Variants in TUSC3 observed in about 807,000 individuals in gnomAD.
The protein encoded by TUSC3 is tumor suppressor candidate 3.
A neutral mutation model predicts 44.8 loss-of-function variants in TUSC3; 45 were observed. The ratio of observed to expected loss-of-function variants is 1.00; its 90% CI spans 0.79 to 1.29. The LOEUF (loss-of-function observed/expected upper bound fraction) is 1.29. TUSC3 is among the 50% of genes most tolerant of loss of function. The pLI is 0.00. For missense variants in TUSC3, 519 were observed against 437.9 expected, an observed-to-expected ratio of 1.19 and a Z score of -1.65; for synonymous variants, 212 against 152.9, an observed-to-expected ratio of 1.39 and a Z score of -2.85.
chr8:15,582,119 T>G (rs1039217308), intron 1 of TUSC3, among the ~76,000 whole-genome samples: 1 of 128,058 alleles, frequency 7.8e-6, no homozygotes, highest in African/African-American at 2.6e-5. Flanking sequence ...GGGAACTCCC[T>G]GACCCCTTGC....
At chr8:15,811,504 C>T in the TUSC3 span, among the ~76,000 whole-genome samples, 488 of 152,298 alleles carry the variant, frequency 3.2e-3, 5 homozygotes, top group African/African-American at 0.011. Context: ...GGGCTTCAGC[C>T]AGCTGTCAAG....
At chr8:15,501,367 C>T (rs746822269) in intron 2 of TUSC3, among the ~76,000 whole-genome samples, 27 of 152,160 alleles carry the variant, frequency 1.8e-4, no homozygotes, top group Non-Finnish European at 3.8e-4. Flanking sequence ...TTGATGCACA[C>T]ATGGTACTTT....
chr8:15,525,930 G>A (rs2129130173), intron 2 of TUSC3, among the ~76,000 whole-genome samples: 1 of 152,290 alleles, frequency 6.6e-6, no homozygotes, highest in Middle Eastern at 3.4e-3. Context: ...AAACTGGGAA[G>A]CAGAACTGGT....
intron 1 of TUSC3, among the ~76,000 whole-genome samples, chr8:15,542,277 A>T (rs1563280533): frequency 6.6e-6 from 1 of 152,142 alleles, no homozygotes; most frequent in African/African-American, 2.4e-5. Flanking sequence ...TGTGGAGACC[A>T]TGGTTTTATT....
chr8:15,801,589 T>C, the TUSC3 span, among the ~76,000 whole-genome samples: 1 of 152,104 alleles, frequency 6.6e-6, no homozygotes, highest in Non-Finnish European at 1.5e-5. Flanking sequence ...TCAGTGTCTG[T>C]GGATGGCTGG....
chr8:15,530,475 C>T (rs958844125), intron 2 of TUSC3, among the ~76,000 whole-genome samples: 1 of 152,082 alleles, frequency 6.6e-6, no homozygotes, highest in South Asian at 2.1e-4. Flanking sequence ...CTTCATGGTA[C>T]CATTATTATC....
At chr8:15,748,824 A>G (rs750661866) in intron 9 of TUSC3, 2 of 464,992 alleles carry the variant, frequency 4.3e-6, no homozygotes, top group South Asian at 3.1e-5. Flanking sequence ...TTCATTGTCT[A>G]ATAAACTTTG....
At chr8:15,614,333 AGTGTATG>A in intron 1 of TUSC3, among the ~76,000 whole-genome samples, 1 of 152,184 alleles carries the variant, frequency 6.6e-6, no homozygotes. Context: ...CACTCATTTA[AGTGTATG>A]ATTAAATGAC....
chr8:15,438,340 C>A (rs1341919442), intron 1 of TUSC3, among the ~76,000 whole-genome samples: 2 of 152,158 alleles, frequency 1.3e-5, no homozygotes, highest in African/African-American at 4.8e-5. Context: ...AGGTGGTCCG[C>A]CTGCCTCGGC....
chr8:15,577,767 T>G (rs1803172170), intron 1 of TUSC3, among the ~76,000 whole-genome samples: 1 of 143,504 alleles, frequency 7.0e-6, no homozygotes, highest in Non-Finnish European at 1.5e-5. Context: ...AGCTTTGTTC[T>G]TTTGGCTTAG....
chr8:15,781,995 G>A, the TUSC3 span, among the ~76,000 whole-genome samples: 2 of 152,172 alleles, frequency 1.3e-5, no homozygotes, highest in African/African-American at 4.8e-5. Flanking sequence ...TTAGCTGGAT[G>A]TGGTGGCAGG....
intron 6 of TUSC3, among the ~76,000 whole-genome samples, chr8:15,715,146 A>G (rs890031992): frequency 1.3e-5 from 2 of 152,042 alleles, no homozygotes; most frequent in African/African-American, 2.4e-5. Flanking sequence ...GTCCACCCTA[A>G]TCCAAGACCA....
rs538361393 is a variant in TUSC3 at position 15,570,099 on chromosome 8, C to G, written c.138+29531C>G. Among the ~76,000 whole-genome samples, 51 of 152,172 alleles carry G rather than the reference C, an allele frequency of 3.4e-4. 1 individual carries two copies. In the Middle Eastern group the frequency reaches 0.01, roughly 30 times the overall value. ...ATAAAAGATTCCCACATTATTACTA[C>G]TCTTGGTTATAGCTTGTCCATCGCA... On this transcript the variant is annotated intron_variant, in intron 1 of 10. Transcript: ENST00000503731.
chr8:15,723,416 C>T lies in TUSC3; in HGVS notation c.799-7250C>T, dbSNP rs114350988. Among the ~76,000 whole-genome samples, 427 of 152,170 alleles carry T rather than the reference C, an allele frequency of 2.8e-3. 2 individuals carry two copies. Among genetic ancestry groups the T allele is most frequent in the African/African-American group, 0.01 (417 of 41,522 alleles). On this transcript the variant is annotated intron_variant, in intron 6 of 10. Transcript: ENST00000503731. ...TGTTGTAATCATTTTTTAGTTGAAG[C>T]CAAATATTTAATGAAGTGCTTAGGA...
At chr8:15,598,581 A>C (rs1804159117) in intron 1 of TUSC3, among the ~76,000 whole-genome samples, 1 of 21,860 alleles carries the variant, frequency 4.6e-5, no homozygotes, top group Admixed American at 3.4e-4. Context: ...TAATGCCCTA[A>C]AACTCGTCAT....
intron 1 of TUSC3, among the ~76,000 whole-genome samples, chr8:15,460,201 T>C (rs1375739428): frequency 6.6e-6 from 1 of 152,154 alleles, no homozygotes; most frequent in Non-Finnish European, 1.5e-5. Context: ...CAACATCTAC[T>C]GCTTTTTGAT....
chr8:15,650,609 G>A lies in TUSC3; in HGVS notation c.309-88G>A, dbSNP rs1213116641. Reference sequence around the variant, plus strand: ...ACAGTCTGTACAAAAACTGGCCAGTGCTTGTCCTAGGGTTGTCTGTTTTAA... The same window carrying A: ...ACAGTCTGTACAAAAACTGGCCAGTACTTGTCCTAGGGTTGTCTGTTTTAA... On this transcript the variant is annotated intron_variant, in intron 2 of 10. Transcript: ENST00000503731. The A allele has an allele frequency of 1.7e-5, 19 of 1,131,432 alleles. No individual in the cohort carries two copies. The South Asian group carries it at 1.9e-4, about 11-fold the overall frequency. The allele number at this position is 1,131,432 out of a possible 1,614,324, so 70.1% of individuals were successfully genotyped here.
At chr8:15,612,895 A>G (rs1804822002) in intron 1 of TUSC3, among the ~76,000 whole-genome samples, 1 of 152,060 alleles carries the variant, frequency 6.6e-6, no homozygotes, top group South Asian at 2.1e-4. Context: ...TGATCGGACC[A>G]GTCTAGACTT....
intron 1 of TUSC3, among the ~76,000 whole-genome samples, chr8:15,466,264 T>A (rs935675608): frequency 6.6e-6 from 1 of 152,210 alleles, no homozygotes; most frequent in African/African-American, 2.4e-5. Flanking sequence ...CTAAGAATTC[T>A]ACATCAAGAG....
Sources: gnomAD v4.1 joint callset for allele counts (sites outside exome capture counted in the v4.1 genomes callset) on GRCh38, gnomAD v4.1.1 for gene constraint, MANE v1.5 for transcripts, NCBI Gene and HGNC (gene_info 2026-07-23, HGNC 2026-07-21) for gene names.